Variants in ZBTB20 observed in about 807,000 individuals in gnomAD.
ZBTB20 encodes the protein zinc finger and BTB domain-containing protein 20.
ZBTB20 carries 9 observed loss-of-function variants against 56.9 expected under a neutral mutation model. That is an observed-to-expected ratio of 0.16 (90% confidence interval 0.10 to 0.28). The LOEUF (loss-of-function observed/expected upper bound fraction) is 0.28. Ranked by LOEUF, ZBTB20 falls within the 10% of genes least tolerant of loss-of-function variation. The pLI, the probability that ZBTB20 is intolerant of heterozygous loss-of-function variation, is 1.00. For missense variants in ZBTB20, 655 were observed against 1,003.0 expected (o/e 0.65, Z 4.69); for synonymous variants, 417 against 420.7 (o/e 0.99, Z 0.11).
intron 7 of ZBTB20, among the ~76,000 whole-genome samples, chr3:114,461,298 C>A (rs1332903746): frequency 1.9e-4 from 23 of 121,848 alleles, no homozygotes; most frequent in African/African-American, 5.9e-4. Flanking sequence ...CAATCTCCTC[C>A]CCCCCCCCTC....
At chr3:114,859,942 G>C (rs2075437863) in intron 4 of ZBTB20, among the ~76,000 whole-genome samples, 1 of 152,100 alleles carries the variant, frequency 6.6e-6, no homozygotes, top group African/African-American at 2.4e-5. Context: ...CAATCTTTCA[G>C]GTTCCAAAAA....
chr3:114,576,499 C>A (rs13082675), intron 6 of ZBTB20, among the ~76,000 whole-genome samples: 1 of 22,708 alleles, frequency 4.4e-5, no homozygotes, highest in Non-Finnish European at 8.3e-5. Context: ...AAGACTCCGT[C>A]TCAAAAAAAA....
At chr3:115,050,515 C>A (rs539676335) in intron 2 of ZBTB20, among the ~76,000 whole-genome samples, 1 of 151,862 alleles carries the variant, frequency 6.6e-6, no homozygotes, top group East Asian at 1.9e-4. Context: ...TATCAAACAC[C>A]TTTATGTTTG....
intron 8 of ZBTB20, among the ~76,000 whole-genome samples, chr3:114,386,158 T>C (rs1286237413): frequency 6.6e-6 from 1 of 152,200 alleles, no homozygotes; most frequent in Non-Finnish European, 1.5e-5. Context: ...GAGACCAACC[T>C]ATGGGACTCT....
At chr3:115,144,393 A>T (rs1319608576) in intron 1 of ZBTB20, among the ~76,000 whole-genome samples, 1 of 152,152 alleles carries the variant, frequency 6.6e-6, no homozygotes, top group Non-Finnish European at 1.5e-5. Context: ...ACTTTCACTA[A>T]TGCAACAAAA....
intron 7 of ZBTB20, among the ~76,000 whole-genome samples, chr3:114,446,090 C>T (rs571834822): frequency 1.3e-5 from 2 of 152,060 alleles, no homozygotes; most frequent in East Asian, 1.9e-4. Context: ...TAGTTTAAGT[C>T]CAGGAGTTTT....
intron 3 of ZBTB20, among the ~76,000 whole-genome samples, chr3:114,969,842 A>G (rs2077801093): frequency 6.6e-6 from 1 of 152,210 alleles, no homozygotes; most frequent in African/African-American, 2.4e-5. Flanking sequence ...TGAACCCAAT[A>G]CTTCATGTAC....
intron 5 of ZBTB20, among the ~76,000 whole-genome samples, chr3:114,787,368 T>TATATATATACACATACAC (rs1433434685): frequency 7.5e-5 from 8 of 106,308 alleles, no homozygotes; most frequent in African/African-American, 3.2e-4. Flanking sequence ...TATATATATA[T>TATATATATACACATACAC]ACACACACAC....
chr3:114,354,578 G>GT (rs1460751178), intron 10 of ZBTB20, among the ~76,000 whole-genome samples: 5 of 93,264 alleles, frequency 5.4e-5, no homozygotes, highest in South Asian at 4.3e-4. Context: ...TTTTTGTTTT[G>GT]TTTTGTTTGT....
At chr3:114,474,601 C>T (rs2040528014) in intron 7 of ZBTB20, among the ~76,000 whole-genome samples, 1 of 152,154 alleles carries the variant, frequency 6.6e-6, no homozygotes, top group Admixed American at 6.5e-5. Flanking sequence ...GTGGACCACT[C>T]ACAGATACCC....
At chr3:114,520,562 A>T (rs2046527746) in intron 6 of ZBTB20, among the ~76,000 whole-genome samples, 1 of 152,138 alleles carries the variant, frequency 6.6e-6, no homozygotes, top group African/African-American at 2.4e-5. Flanking sequence ...GTCTAGGAAA[A>T]TATCACATAA....
intron 10 of ZBTB20, among the ~76,000 whole-genome samples, chr3:114,376,555 G>T (rs1199111553): frequency 1.3e-5 from 2 of 152,152 alleles, no homozygotes; most frequent in Non-Finnish European, 2.9e-5. Flanking sequence ...GGTTGGGAGG[G>T]GGAGGCCAAG....
rs2078799373 is a variant in ZBTB20, at chr3:114,319,110, A to G, written c.*19895T>C. 1 of 152,032 alleles carries G rather than the reference A, an allele frequency of 6.6e-6. No individual in the cohort carries two copies. 9.4% of individuals were successfully genotyped at this position (152,032 alleles called of 1,614,324 possible). On this transcript the variant is annotated 3_prime_UTR_variant, in exon 12 of 12. Transcript: ENST00000675478. ...AATCAGTAATTTTTTTTTAACCTCA[A>G]AACTGCAGCATATCCTTAAGGGCAA... is the stretch of plus-strand genomic sequence containing the variant.
At chr3:114,651,834 A>T (rs148950186) in intron 6 of ZBTB20, among the ~76,000 whole-genome samples, 1 of 152,160 alleles carries the variant, frequency 6.6e-6, no homozygotes, top group Non-Finnish European at 1.5e-5. Flanking sequence ...TTAACCTTGA[A>T]CATTCTCCAG....
chr3:114,510,838 G>C (rs1047197865), intron 6 of ZBTB20, among the ~76,000 whole-genome samples: 1 of 152,004 alleles, frequency 6.6e-6, no homozygotes, highest in African/African-American at 2.4e-5. Flanking sequence ...GATCTTACAG[G>C]GGGTAAAAGA....
intron 6 of ZBTB20, among the ~76,000 whole-genome samples, chr3:114,618,582 A>G (rs1280181537): frequency 6.6e-6 from 1 of 152,186 alleles, no homozygotes; most frequent in Non-Finnish European, 1.5e-5. Flanking sequence ...AAACTAAAAA[A>G]TACATGGGTG....
At chr3:114,359,053 C>T (rs2081533423) in intron 10 of ZBTB20, among the ~76,000 whole-genome samples, 1 of 143,806 alleles carries the variant, frequency 7.0e-6, no homozygotes, top group African/African-American at 2.6e-5. Context: ...ATTATATTAT[C>T]CATTCTTTAT....
In ZBTB20 at chr3:114,314,536, C is replaced by G. The variant is rs935299283; in HGVS notation, c.*24469G>C. The G allele has an allele frequency of 1.3e-5, 2 of 149,240 alleles. No individual in the cohort carries two copies. The highest frequency in any genetic ancestry group is 1.3e-4 in the Admixed American group (2 of 15,014). The allele number at this position is 149,240 out of a possible 1,614,324, so 9.2% of individuals were successfully genotyped here. On this transcript the variant is annotated 3_prime_UTR_variant, in exon 12 of 12. Coordinates refer to ENST00000675478, the MANE Select transcript of ZBTB20 (RefSeq NM_001348800.3). ...TTTTTTTTAATTATTCCTTCATATT[C>G]AAACTTCACAAACAGTGTGAACTTG...
intron 2 of ZBTB20, among the ~76,000 whole-genome samples, chr3:115,025,667 A>G (rs1488277179): frequency 6.6e-6 from 1 of 150,722 alleles, no homozygotes; most frequent in African/African-American, 2.4e-5. Context: ...AAAAATTAGT[A>G]TCTGTGGACC....
Sources: allele counts gnomAD v4.1 joint callset (sites outside exome capture counted in the v4.1 genomes callset), GRCh38; gene constraint gnomAD v4.1.1; transcripts MANE v1.5; gene names NCBI Gene and HGNC (gene_info 2026-07-23, HGNC 2026-07-21).